The following GRIA3 variants were observed in gnomAD, a reference collection of about 807,000 sequenced individuals.
GRIA3 encodes glutamate ionotropic receptor AMPA type subunit 3.
Under a neutral mutation model 63.0 loss-of-function variants are expected in GRIA3, and 3 were observed. The ratio of observed to expected loss-of-function variants is 0.05; its 90% CI spans 0.02 to 0.12. The LOEUF is 0.12. Ranked by LOEUF, GRIA3 falls within the 10% of genes least tolerant of loss-of-function variation. GRIA3 has a pLI of 1.00. For missense variants in GRIA3, 347 were observed against 700.9 expected, an observed-to-expected ratio of 0.50 and a Z score of 5.70; for synonymous variants, 274 against 257.9, an observed-to-expected ratio of 1.06 and a Z score of -0.60.
chrX:123,459,956 C>A (rs1420941397), intron 12 of GRIA3, among the ~76,000 whole-genome samples: 5 of 111,551 alleles, frequency 4.5e-5, no homozygotes, highest in African/African-American at 1.6e-4. Context: ...TGAGTCATTT[C>A]TTTTCCCCCT....
rs768945981 is a variant in GRIA3 at position 123,489,705 on chromosome X, C to T, written c.*995C>T. ...CTCAGAAACAACACTGTGTTTAGCT[C>T]GGCTTTCTCTGCTAAGTATGCCTTT... On this transcript the variant is annotated 3_prime_UTR_variant, in exon 16 of 16. Coordinates refer to ENST00000620443, the MANE Select transcript of GRIA3 (RefSeq NM_007325.5). The T allele has an allele frequency of 1.8e-5, 2 of 112,256 alleles. No homozygotes were observed. Among genetic ancestry groups the T allele is most frequent in the East Asian group, 5.6e-4 (2 of 3,558 alleles). The allele number at this position is 112,256 out of a possible 1,213,427, so 9.3% of individuals were successfully genotyped here. A position where few individuals can be genotyped will look rare whatever the true frequency, so the allele number is the denominator to read the frequency against.
At chrX:123,209,593 A>G (rs997302834) in intron 2 of GRIA3, among the ~76,000 whole-genome samples, 1 of 112,035 alleles carries the variant, frequency 8.9e-6, no homozygotes, top group African/African-American at 3.2e-5. Context: ...TGCAAGCACA[A>G]AGAGATTAGC....
intron 15 of GRIA3, among the ~76,000 whole-genome samples, chrX:123,486,111 G>A (rs1174134708): frequency 1.2e-5 from 1 of 85,055 alleles, no homozygotes; most frequent in African/African-American, 4.6e-5. Flanking sequence ...AGGGAGGGGG[G>A]AAAAGAAAGA....
chrX:123,195,340 A>T (rs766855034), intron 2 of GRIA3, among the ~76,000 whole-genome samples: 1 of 112,286 alleles, frequency 8.9e-6, no homozygotes, highest in Non-Finnish European at 1.9e-5. Flanking sequence ...CCCATTTTCT[A>T]AAAGAGGAAT....
At chrX:123,364,891 C>T (rs990207104) in intron 5 of GRIA3, among the ~76,000 whole-genome samples, 1 of 112,144 alleles carries the variant, frequency 8.9e-6, no homozygotes, top group Non-Finnish European at 1.9e-5. Context: ...CGTGATCTCA[C>T]GTATATGTGG....
intron 5 of GRIA3, among the ~76,000 whole-genome samples, chrX:123,357,168 C>T (rs192550308): frequency 9.0e-6 from 1 of 111,057 alleles, no homozygotes; most frequent in Non-Finnish European, 1.9e-5. Flanking sequence ...CATTTCATCC[C>T]GACTTTGCTC....
chrX:123,195,744 G>A lies in GRIA3; in HGVS notation c.268+9754G>A, dbSNP rs1187193368. Among the ~76,000 whole-genome samples the A allele has an allele frequency of 2.7e-5, 3 of 111,828 alleles. No homozygotes were observed. In the East Asian group the frequency reaches 8.4e-4, roughly 31 times the overall value. Reference sequence around the variant, plus strand: ...TTTTAGCAGCTAGGTTACTGGTTGAGGGAAGCTCTATTAACTGGTAGTTAT... The same window carrying A: ...TTTTAGCAGCTAGGTTACTGGTTGAAGGAAGCTCTATTAACTGGTAGTTAT... On this transcript the variant is annotated intron_variant, in intron 2 of 15. Transcript: ENST00000620443.
At chrX:123,463,606 GGGAGGGAAAGAAAGAAAGAAAGAAAGAAA>G (rs2045808728) in intron 12 of GRIA3, among the ~76,000 whole-genome samples, 1 of 20,049 alleles carries the variant, frequency 5.0e-5, no homozygotes. Context: ...GAGGGAGGGA[GGGAGGGAAAGAAAGAAAGAAAGAAAGAAA>G]GAAAGAAAGA....
chrX:123,285,694 G>T (rs2044614818), intron 3 of GRIA3, among the ~76,000 whole-genome samples: 1 of 109,905 alleles, frequency 9.1e-6, no homozygotes, highest in East Asian at 2.9e-4. Context: ...ATGGTAAAGG[G>T]ATCAATGCAA....
At chrX:123,270,051 T>C (rs897674566) in intron 3 of GRIA3, among the ~76,000 whole-genome samples, 1 of 112,646 alleles carries the variant, frequency 8.9e-6, no homozygotes, top group Non-Finnish European at 1.9e-5. Context: ...TTTTCTGACA[T>C]ATTTTTAGGC....
intron 10 of GRIA3, among the ~76,000 whole-genome samples, chrX:123,410,548 C>G (rs1400757259): frequency 8.9e-6 from 1 of 111,952 alleles, no homozygotes; most frequent in Non-Finnish European, 1.9e-5. Context: ...AAGAAATTAT[C>G]TCTTAGGTCG....
chrX:123,224,601 A>C (rs1390681311), intron 2 of GRIA3, among the ~76,000 whole-genome samples: 1 of 111,270 alleles, frequency 9.0e-6, no homozygotes, highest in Non-Finnish European at 1.9e-5. Flanking sequence ...CTACTTATAA[A>C]ATAAATCTAC....
chrX:123,279,591 T>C (rs932319487), intron 3 of GRIA3, among the ~76,000 whole-genome samples: 9 of 111,464 alleles, frequency 8.1e-5, no homozygotes, highest in Admixed American at 1.9e-4. Context: ...TTCAAGGAAA[T>C]AGAAGTTTCA....
intron 5 of GRIA3, among the ~76,000 whole-genome samples, chrX:123,373,815 C>T (rs2045265872): frequency 1.8e-5 from 2 of 111,607 alleles, no homozygotes; most frequent in Admixed American, 9.5e-5. Context: ...TGCCTGTTCA[C>T]TCTGATGGTA....
chrX:123,356,886 G>C (rs1220588319), intron 5 of GRIA3, among the ~76,000 whole-genome samples: 1 of 111,524 alleles, frequency 9.0e-6, no homozygotes, highest in Non-Finnish European at 1.9e-5. Flanking sequence ...TGTCGGATGG[G>C]TCATTTGAAA....
At chrX:123,306,131 T>C (rs1277879744) in intron 3 of GRIA3, among the ~76,000 whole-genome samples, 1 of 112,401 alleles carries the variant, frequency 8.9e-6, no homozygotes, top group African/African-American at 3.2e-5. Context: ...CCCTTGGGTA[T>C]GTGGATAATT....
intron 1 of GRIA3, among the ~76,000 whole-genome samples, chrX:123,185,503 G>T (rs1279657656): frequency 3.4e-5 from 3 of 87,978 alleles, no homozygotes. Flanking sequence ...ATGGGCGGGG[G>T]GCGGAGGGGG....
intron 12 of GRIA3, among the ~76,000 whole-genome samples, chrX:123,446,104 C>T (rs887463110): frequency 1.6e-4 from 18 of 111,648 alleles, no homozygotes; most frequent in African/African-American, 5.2e-4. Context: ...TTTACACACA[C>T]TGGTCATTTT....
intron 2 of GRIA3, among the ~76,000 whole-genome samples, chrX:123,232,253 T>C (rs763519485): frequency 3.9e-4 from 43 of 111,612 alleles, no homozygotes; most frequent in Non-Finnish European, 5.8e-4. Flanking sequence ...CAACTAAAAC[T>C]ATGTAGCAGT....
Sources: allele counts gnomAD v4.1 joint callset (sites outside exome capture counted in the v4.1 genomes callset), GRCh38; gene constraint gnomAD v4.1.1; transcripts MANE v1.5; gene names NCBI Gene and HGNC (gene_info 2026-07-23, HGNC 2026-07-21).